The following TXNDC16 variants were observed in gnomAD, a reference collection of about 807,000 sequenced individuals.
TXNDC16 encodes thioredoxin domain-containing protein 16.
Under a neutral mutation model 85.6 loss-of-function variants are expected in TXNDC16, and 74 were observed. That is an observed-to-expected ratio of 0.86 (90% CI 0.72 to 1.05). The LOEUF (loss-of-function observed/expected upper bound fraction) is 1.05. TXNDC16 is among the 50% of genes least tolerant of loss of function. The probability of loss-of-function intolerance (pLI) is 0.00; values close to 1 mark genes in which losing one functional copy is unlikely to be tolerated. For synonymous variants in TXNDC16, 335 were observed against 326.5 expected (o/e 1.03, Z -0.28); for missense variants, 959 against 947.0 (o/e 1.01, Z -0.17).
intron 1 of TXNDC16, among the ~76,000 whole-genome samples, chr14:52,551,387 G>A (rs918189810): frequency 6.6e-6 from 1 of 151,432 alleles, no homozygotes; most frequent in Non-Finnish European, 1.5e-5. Flanking sequence ...GCTGAGGTGG[G>A]AGGACTGCTT....
chr14:52,537,701 A>G (rs777728104), intron 4 of TXNDC16, 29 bp from the exon 5 acceptor site: 5 of 1,340,714 alleles, frequency 3.7e-6, no homozygotes, highest in Admixed American at 1.8e-5. Context: ...AAGTTTTAGC[A>G]TATATATCAA....
At chr14:52,439,509 A>G in intron 19 of TXNDC16, 115 bp from the exon 20 acceptor site, 1 of 901,520 alleles carries the variant, frequency 1.1e-6, no homozygotes, top group African/African-American at 1.7e-5. Flanking sequence ...AGTTCACTTT[A>G]TGAAAAGATG....
chr14:52,544,190 T>C (rs1566591433), intron 2 of TXNDC16, 74 bp downstream of exon 2: 1 of 152,158 alleles, frequency 6.6e-6, no homozygotes. Context: ...ACTCATACTT[T>C]AATTCAATTC....
At chr14:52,488,807 C>T (rs1308347090) in intron 11 of TXNDC16, among the ~76,000 whole-genome samples, 1 of 132,434 alleles carries the variant, frequency 7.6e-6, no homozygotes, top group East Asian at 2.4e-4. Context: ...ACACTCCAGC[C>T]TGGGCGACAA....
rs138275492 is a variant in TXNDC16 at position 52,447,028 on chromosome 14, G to T, written c.1843-6304C>A. Among the ~76,000 whole-genome samples, 495 of 151,794 alleles carry T rather than the reference G, an allele frequency of 3.3e-3. 2 individuals carry two copies. Among genetic ancestry groups the T allele is most frequent in the African/African-American group, 0.011 (467 of 41,374 alleles). ...TCCTTCTGCTTGAGAAAAGTAGAGG[G>T]AAAAGTAAAGGGGACTTTGTCTTGC... On this transcript the variant is annotated intron_variant, in intron 18 of 20. Coordinates refer to ENST00000281741, the MANE Select transcript of TXNDC16 (RefSeq NM_020784.3).
intron 6 of TXNDC16, among the ~76,000 whole-genome samples, chr14:52,526,979 G>A (rs2037350743): frequency 6.6e-6 from 1 of 152,252 alleles, no homozygotes; most frequent in Non-Finnish European, 1.5e-5. Context: ...CATGCCAGCG[G>A]AGGGCAGCAT....
intron 8 of TXNDC16, among the ~76,000 whole-genome samples, chr14:52,513,813 C>T (rs1307121120): frequency 1.3e-5 from 2 of 151,936 alleles, no homozygotes; most frequent in Non-Finnish European, 2.9e-5. Flanking sequence ...TGCAATTATT[C>T]ATTAACTAAA....
rs766615792 is a variant in TXNDC16 at position 52,514,960 on chromosome 14, TG to T, written c.524del (p.Ala175GlufsTer17). On this transcript the variant is annotated frameshift_variant, in exon 8 of 21. Transcript: ENST00000281741. LOFTEE classifies it high-confidence loss of function. ...VRAIGIPEHR[A>X]VMEAAFVYGT... ...CATACACAAAAGCGGCTTCCATGACTGCTCTGTGCTCTGAAGAAGAGATAAA... is the reference window on the plus strand; with the variant it reads ...CATACACAAAAGCGGCTTCCATGACTCTCTGTGCTCTGAAGAAGAGATAAA... 3.9e-5 allele frequency: 63 copies of T among 1,611,164 alleles called. No individual in the cohort carries two copies. The highest frequency in any genetic ancestry group is 5.3e-5 in the Non-Finnish European group (62 of 1,178,336).
chr14:52,460,707 G>A (rs1264295556), intron 16 of TXNDC16, among the ~76,000 whole-genome samples: 1 of 151,834 alleles, frequency 6.6e-6, no homozygotes, highest in Admixed American at 6.6e-5. Context: ...TAATTAAGAG[G>A]TTTTAAAAAG....
intron 18 of TXNDC16, among the ~76,000 whole-genome samples, chr14:52,449,398 T>C (rs748278393): frequency 6.6e-6 from 1 of 152,010 alleles, no homozygotes; most frequent in Non-Finnish European, 1.5e-5. Context: ...CAAGAAGATA[T>C]AACAATTGTA....
intron 16 of TXNDC16, among the ~76,000 whole-genome samples, chr14:52,465,728 T>C (rs985831444): frequency 1.3e-5 from 2 of 152,060 alleles, no homozygotes; most frequent in African/African-American, 4.8e-5. Flanking sequence ...TAAAAACTTA[T>C]TGAAAGACAC....
At chr14:52,499,686 T>C (rs2036612967) in intron 9 of TXNDC16, among the ~76,000 whole-genome samples, 1 of 151,698 alleles carries the variant, frequency 6.6e-6, no homozygotes, top group African/African-American at 2.4e-5. Context: ...TTGTGCACTG[T>C]TGGTGAGACT....
At chr14:52,517,324 G>C (rs76770276) in intron 7 of TXNDC16, among the ~76,000 whole-genome samples, 2,033 of 152,218 alleles carry the variant, frequency 0.013, 44 homozygotes, top group African/African-American at 0.046. Context: ...GGGAGAGGGG[G>C]AGGGAAGCCA....
chr14:52,539,796 A>G (rs2037787863), intron 4 of TXNDC16, among the ~76,000 whole-genome samples: 1 of 152,234 alleles, frequency 6.6e-6, no homozygotes. Context: ...ACTTTGATAC[A>G]CTAGATTTCT....
intron 15 of TXNDC16, 64 bp downstream of exon 15, chr14:52,470,448 C>A: frequency 1.3e-6 from 2 of 1,510,504 alleles, no homozygotes; most frequent in South Asian, 1.4e-5. Flanking sequence ...TTAGCAAAGT[C>A]TGAGAATTAG....
At chr14:52,492,293 T>G (rs1459224061) in intron 9 of TXNDC16, among the ~76,000 whole-genome samples, 1 of 152,156 alleles carries the variant, frequency 6.6e-6, no homozygotes, top group Non-Finnish European at 1.5e-5. Context: ...GTATCCTTTT[T>G]GGGGGACTGA....
intron 14 of TXNDC16, among the ~76,000 whole-genome samples, chr14:52,471,543 T>C (rs1361635533): frequency 1.3e-5 from 2 of 152,230 alleles, no homozygotes; most frequent in Admixed American, 6.5e-5. Context: ...TATGCTATTA[T>C]AGAACCATGC....
intron 9 of TXNDC16, among the ~76,000 whole-genome samples, chr14:52,499,168 A>G (rs1377612971): frequency 6.6e-6 from 1 of 152,236 alleles, no homozygotes; most frequent in Non-Finnish European, 1.5e-5. Flanking sequence ...TACAAAAGTT[A>G]ACTCATAATG....
chr14:52,502,531 G>A (rs1184897199), intron 9 of TXNDC16, among the ~76,000 whole-genome samples: 1 of 152,162 alleles, frequency 6.6e-6, no homozygotes, highest in Non-Finnish European at 1.5e-5. Context: ...ACACTTAACT[G>A]AAGTCATTAT....
Sources: gnomAD v4.1 joint callset for allele counts (sites outside exome capture counted in the v4.1 genomes callset) on GRCh38, gnomAD v4.1.1 for gene constraint, MANE v1.5 for transcripts, NCBI Gene and HGNC (gene_info 2026-07-23, HGNC 2026-07-21) for gene names.